TXNDC16: variants seen among roughly 807,000 people sequenced by gnomAD.
TXNDC16 encodes thioredoxin domain-containing protein 16.
A neutral mutation model predicts 85.6 loss-of-function variants in TXNDC16; 74 were observed. The ratio of observed to expected loss-of-function variants is 0.86; its 90% CI spans 0.72 to 1.05. The LOEUF (loss-of-function observed/expected upper bound fraction) is 1.05, where lower values mean the gene tolerates loss of function less well. Among genes scored for constraint, TXNDC16 ranks in the 50% least tolerant of loss-of-function variants. The pLI, the probability that TXNDC16 is intolerant of heterozygous loss-of-function variation, is 0.00. For synonymous variants in TXNDC16, 335 were observed against 326.5 expected, an observed-to-expected ratio of 1.03 and a Z score of -0.28; for missense variants, 959 against 947.0, an observed-to-expected ratio of 1.01 and a Z score of -0.17.
chr14:52,530,386 A>T (rs1417678631), intron 6 of TXNDC16, among the ~76,000 whole-genome samples: 20 of 15,002 alleles, frequency 1.3e-3, no homozygotes, highest in African/African-American at 8.2e-3. Flanking sequence ...TATTATATAT[A>T]ATATTATAAT....
intron 14 of TXNDC16, among the ~76,000 whole-genome samples, chr14:52,479,631 T>C (rs1360091419): frequency 6.6e-6 from 1 of 151,902 alleles, no homozygotes; most frequent in Non-Finnish European, 1.5e-5. Flanking sequence ...GAAAGACTTC[T>C]ACAGGGAAAA....
At chr14:52,512,025 A>G (rs1486548634) in intron 8 of TXNDC16, among the ~76,000 whole-genome samples, 1 of 152,200 alleles carries the variant, frequency 6.6e-6, no homozygotes, top group Non-Finnish European at 1.5e-5. Context: ...AGAAATATCC[A>G]TATGGCATTA....
chr14:52,533,947 G>T (rs2037641821), intron 6 of TXNDC16, among the ~76,000 whole-genome samples: 1 of 152,150 alleles, frequency 6.6e-6, no homozygotes, highest in Non-Finnish European at 1.5e-5. Flanking sequence ...GGGGCCTGAA[G>T]GATTAGGAGA....
At chr14:52,482,443 T>C (rs552946810) in intron 13 of TXNDC16, among the ~76,000 whole-genome samples, 154 bp from the exon 14 acceptor site, 26 of 152,204 alleles carry the variant, frequency 1.7e-4, no homozygotes, top group African/African-American at 5.8e-4. Flanking sequence ...TCCAACCACT[T>C]AAGAGAGTTT....
intron 9 of TXNDC16, among the ~76,000 whole-genome samples, chr14:52,495,565 G>C (rs184093609): frequency 1.3e-5 from 2 of 152,184 alleles, no homozygotes; most frequent in East Asian, 1.9e-4. Flanking sequence ...ATGATAAGGG[G>C]AGCTTATGGG....
chr14:52,538,816 GGAA>G (rs992615369), intron 4 of TXNDC16, among the ~76,000 whole-genome samples: 90 of 152,184 alleles, frequency 5.9e-4, no homozygotes, highest in South Asian at 1.2e-3. Flanking sequence ...TGGGATTTGA[GGAA>G]GAAGAAGAAG....
At chr14:52,509,769 GA>G (rs1445941961) in intron 9 of TXNDC16, among the ~76,000 whole-genome samples, 4 of 151,958 alleles carry the variant, frequency 2.6e-5, no homozygotes, top group Non-Finnish European at 5.9e-5. Flanking sequence ...ATGAGGTCAG[GA>G]GATCGAGACC....
chr14:52,520,906 T>C (rs1437321012), intron 6 of TXNDC16, among the ~76,000 whole-genome samples: 1 of 152,160 alleles, frequency 6.6e-6, no homozygotes, highest in East Asian at 1.9e-4. Flanking sequence ...GAAACTTTTA[T>C]ATCCTTTAAA....
intron 18 of TXNDC16, among the ~76,000 whole-genome samples, chr14:52,445,245 A>C (rs2035253267): frequency 6.6e-6 from 1 of 152,214 alleles, no homozygotes; most frequent in Non-Finnish European, 1.5e-5. Context: ...TTAATAACAT[A>C]AATGTTACTT....
chr14:52,462,268 C>T (rs1300329629), intron 16 of TXNDC16, among the ~76,000 whole-genome samples: 1 of 152,014 alleles, frequency 6.6e-6, no homozygotes, highest in Non-Finnish European at 1.5e-5. Flanking sequence ...CCTGTGTAGC[C>T]TAGGCTGGTC....
intron 9 of TXNDC16, among the ~76,000 whole-genome samples, chr14:52,504,138 A>G (rs2036731150): frequency 6.6e-6 from 1 of 152,204 alleles, no homozygotes; most frequent in African/African-American, 2.4e-5. Flanking sequence ...CAAGTTAGAA[A>G]ACACTCTGCA....
intron 16 of TXNDC16, among the ~76,000 whole-genome samples, chr14:52,459,966 C>T (rs936912758): frequency 1.3e-5 from 2 of 152,038 alleles, no homozygotes; most frequent in Admixed American, 1.3e-4. Context: ...AATGGGCAAA[C>T]GTTGGAAGTA....
chr14:52,457,025 A>G, intron 17 of TXNDC16, 65 bp downstream of exon 17: 4 of 1,137,550 alleles, frequency 3.5e-6, no homozygotes, highest in Non-Finnish European at 5.1e-6. Context: ...AATATAAGCA[A>G]TTATTAGATA....
At chr14:52,537,405 ACT>A (rs1440850024) in intron 5 of TXNDC16, among the ~76,000 whole-genome samples, 192 bp downstream of exon 5, 1 of 152,098 alleles carries the variant, frequency 6.6e-6, no homozygotes, top group Non-Finnish European at 1.5e-5. Flanking sequence ...TGTAGGTATT[ACT>A]CTCTGTTTTA....
chr14:52,468,395 T>C (rs768423610), intron 16 of TXNDC16, among the ~76,000 whole-genome samples: 1 of 152,070 alleles, frequency 6.6e-6, no homozygotes, highest in African/African-American at 2.4e-5. Context: ...CTAAAAGCAA[T>C]AGAAGAAATC....
chr14:52,539,720 G>A (rs754388847), intron 4 of TXNDC16, among the ~76,000 whole-genome samples: 4 of 152,198 alleles, frequency 2.6e-5, no homozygotes, highest in Non-Finnish European at 5.9e-5. Context: ...GTAGAACCAA[G>A]TAGTAGATGG....
In TXNDC16 at chr14:52,493,216, T is replaced by TATATATATATATTAC; in HGVS notation, c.757-2212_757-2211insGTAATATATATATAT. On this transcript the variant is annotated intron_variant, in intron 9 of 20. Transcript: ENST00000281741. ...TTCTATATATATATATATATATATA[T>TATATATATATATTAC]ACACACACACACACACACATATTTA... Among the ~76,000 whole-genome samples, 48 of 115,988 alleles carry TATATATATATATTAC rather than the reference T, an allele frequency of 4.1e-4. 2 individuals carry two copies. Among genetic ancestry groups the TATATATATATATTAC allele is most frequent in the African/African-American group, 1.2e-3 (34 of 28,304 alleles). The allele number at this position is 115,988 out of a possible 152,430, so 76.1% of individuals were successfully genotyped here.
intron 6 of TXNDC16, among the ~76,000 whole-genome samples, chr14:52,530,306 TA>T (rs2037489348): frequency 1.3e-4 from 6 of 47,842 alleles, no homozygotes; most frequent in South Asian, 2.0e-3. Context: ...ATAATATTAA[TA>T]TATAATATAT....
In TXNDC16 at chr14:52,432,470, G is replaced by C; in HGVS notation, c.2312C>G (p.Thr771Arg). 6.2e-7 allele frequency: 1 copy of C among 1,613,912 alleles called. No homozygotes were observed. The highest frequency in any genetic ancestry group is 1.3e-5 in the African/African-American group (1 of 75,004). ...TTCCTTATCATTCTCCTGCACATCT[G>C]TTTCTTTCATACACTTGGGAACTTT... ...TRKVPKCMKE[T>R]DVQENDKEQH... The change falls in exon 21 of 21, where the codon ACA (threonine) becomes AGA (arginine). Residue 771 changes from threonine to arginine, a missense_variant. By Grantham distance (71) the Thr-to-Arg change is moderately conservative (BLOSUM62 -1). Coordinates refer to ENST00000281741, the MANE Select transcript of TXNDC16 (RefSeq NM_020784.3).
Sources: gnomAD v4.1 joint callset for allele counts (sites outside exome capture counted in the v4.1 genomes callset) on GRCh38, gnomAD v4.1.1 for gene constraint, MANE v1.5 for transcripts, NCBI Gene and HGNC (gene_info 2026-07-23, HGNC 2026-07-21) for gene names.